Variants in CDK14 observed in about 807,000 individuals in gnomAD.
CDK14 encodes cyclin-dependent kinase 14.
Under a neutral mutation model 60.7 loss-of-function variants are expected in CDK14, and 34 were observed. The observed-to-expected ratio is 0.56, with a 90% CI of 0.43 to 0.75. The LOEUF is 0.75. CDK14 is among the 30% of genes least tolerant of loss of function. CDK14 has a pLI of 0.00. For missense variants in CDK14, 482 were observed against 564.1 expected (o/e 0.85, Z 1.47); for synonymous variants, 197 against 203.7 (o/e 0.97, Z 0.28).
intron 7 of CDK14, among the ~76,000 whole-genome samples, chr7:90,908,685 A>T (rs1040111378): frequency 9.2e-5 from 14 of 152,150 alleles, no homozygotes; most frequent in African/African-American, 3.4e-4. Context: ...ATTGTCTTGG[A>T]TAGGCACAGC....
intron 4 of CDK14, among the ~76,000 whole-genome samples, chr7:90,786,460 A>G (rs1224538900): frequency 6.6e-6 from 1 of 152,228 alleles, no homozygotes; most frequent in Non-Finnish European, 1.5e-5. Flanking sequence ...TTTGAATTAT[A>G]TGTTTGAAGT....
intron 3 of CDK14, among the ~76,000 whole-genome samples, chr7:90,731,894 G>T (rs926310336): frequency 6.6e-6 from 1 of 151,998 alleles, no homozygotes; most frequent in Non-Finnish European, 1.5e-5. Flanking sequence ...GGAGGGGTGA[G>T]AGAGGGCATC....
chr7:91,056,572 C>A (rs1422297600), intron 11 of CDK14, among the ~76,000 whole-genome samples: 8 of 149,946 alleles, frequency 5.3e-5, no homozygotes, highest in Non-Finnish European at 7.4e-5. Context: ...CCCCACCCCA[C>A]AACAGGCCCC....
intron 7 of CDK14, among the ~76,000 whole-genome samples, chr7:90,909,099 G>GA (rs1185165000): frequency 6.6e-6 from 1 of 152,114 alleles, no homozygotes. Context: ...AGTTGGGAGA[G>GA]AGTAGCATAA....
At chr7:90,781,257 G>A (rs976264988) in intron 4 of CDK14, among the ~76,000 whole-genome samples, 3 of 152,090 alleles carry the variant, frequency 2.0e-5, no homozygotes, top group African/African-American at 7.2e-5. Flanking sequence ...ACTTTTTGAT[G>A]GGGTTGTTCG....
chr7:90,957,302 C>T (rs1475796871), intron 9 of CDK14, among the ~76,000 whole-genome samples: 13 of 152,086 alleles, frequency 8.5e-5, no homozygotes, highest in African/African-American at 1.2e-4. Context: ...TTAATGATTG[C>T]GATTCTAACT....
intron 4 of CDK14, among the ~76,000 whole-genome samples, chr7:90,753,385 C>A (rs776319932): frequency 6.6e-6 from 1 of 152,122 alleles, no homozygotes; most frequent in Non-Finnish European, 1.5e-5. Flanking sequence ...AGAACAAAAA[C>A]CATTTGATCA....
At chr7:90,745,050 C>A (rs949012586) in intron 3 of CDK14, among the ~76,000 whole-genome samples, 1 of 152,034 alleles carries the variant, frequency 6.6e-6, no homozygotes, top group Non-Finnish European at 1.5e-5. Flanking sequence ...GATTTGTATA[C>A]CTTATTTATA....
At chr7:90,831,918 T>C (rs1789925533) in intron 5 of CDK14, among the ~76,000 whole-genome samples, 1 of 152,010 alleles carries the variant, frequency 6.6e-6, no homozygotes, top group South Asian at 2.1e-4. Flanking sequence ...GCACATGAGG[T>C]TCCCCCTCAG....
intron 5 of CDK14, among the ~76,000 whole-genome samples, chr7:90,838,422 T>C (rs10242712): frequency 0.45 from 68,792 of 151,750 alleles, 16,280 homozygotes; most frequent in East Asian, 0.85. Flanking sequence ...AAGAACAGAG[T>C]AACAGTGATT....
intron 2 of CDK14, among the ~76,000 whole-genome samples, chr7:90,606,686 C>G (rs1018099135): frequency 1.3e-4 from 20 of 152,160 alleles, no homozygotes; most frequent in African/African-American, 4.6e-4. Context: ...TGTTTAGATT[C>G]CGTATGGGGG....
chr7:90,871,068 G>A (rs369873130), intron 6 of CDK14, among the ~76,000 whole-genome samples: 2 of 152,234 alleles, frequency 1.3e-5, no homozygotes, highest in South Asian at 2.1e-4. Context: ...CTGTCGGGGT[G>A]TGCTGGAGGG....
chr7:90,885,440 G>A (rs748511979), intron 6 of CDK14, among the ~76,000 whole-genome samples: 1 of 152,048 alleles, frequency 6.6e-6, no homozygotes, highest in African/African-American at 2.4e-5. Context: ...AGATGGTGGC[G>A]AGGCTGTGCA....
intron 10 of CDK14, among the ~76,000 whole-genome samples, chr7:91,035,833 C>CTTTTTTT (rs34091498): frequency 5.0e-5 from 5 of 99,236 alleles, no homozygotes; most frequent in Non-Finnish European, 5.7e-5. Flanking sequence ...GCTTCATGGT[C>CTTTTTTT]TTTTTTTTTT....
chr7:91,019,321 G>A (rs183812736), intron 10 of CDK14, among the ~76,000 whole-genome samples: 2 of 152,174 alleles, frequency 1.3e-5, no homozygotes, highest in Admixed American at 6.5e-5. Context: ...TGTCTGTAAC[G>A]TTAAGCTTTA....
chr7:90,941,496 A>G (rs1793931091), intron 8 of CDK14, among the ~76,000 whole-genome samples: 1 of 152,112 alleles, frequency 6.6e-6, no homozygotes, highest in South Asian at 2.1e-4. Context: ...GGAGAGCAAG[A>G]CAGGGTAAAG....
At chr7:91,151,437 G>A (rs1800824979) in intron 14 of CDK14, among the ~76,000 whole-genome samples, 1 of 152,308 alleles carries the variant, frequency 6.6e-6, no homozygotes, top group East Asian at 1.9e-4. Context: ...TTAAAAGCCT[G>A]AGCAAATGTA....
intron 5 of CDK14, among the ~76,000 whole-genome samples, chr7:90,817,320 G>A (rs529154852): frequency 7.4e-4 from 113 of 152,168 alleles, no homozygotes; most frequent in African/African-American, 2.5e-3. Flanking sequence ...CGTAAGAATC[G>A]AATTGATAAT....
chr7:90,668,699 C>CTTTTTTTTTTTTT lies in CDK14; in HGVS notation c.124-57853_124-57841dup, dbSNP rs59773768. On this transcript the variant is annotated intron_variant, in intron 2 of 14. Coordinates refer to ENST00000380050, the MANE Select transcript of CDK14 (RefSeq NM_001287135.2). ...TATGGTGTAAGGAAGGACTCGCATTCTTTTTTTTTTTTTTTTTTTTTTTTT... is the reference window on the plus strand; with the variant it reads ...TATGGTGTAAGGAAGGACTCGCATTCTTTTTTTTTTTTTTTTTTTTTTTTTTTTTTTTTTTTTT... Among the ~76,000 whole-genome samples the CTTTTTTTTTTTTT allele has an allele frequency of 4.8e-4, 42 of 87,522 alleles. 2 individuals carry two copies. The highest frequency in any genetic ancestry group is 1.4e-3 in the African/African-American group (32 of 23,114). The allele number at this position is 87,522 out of a possible 152,430, so 57.4% of individuals were successfully genotyped here.
Sources: gnomAD v4.1 joint callset for allele counts (sites outside exome capture counted in the v4.1 genomes callset) on GRCh38, gnomAD v4.1.1 for gene constraint, MANE v1.5 for transcripts, NCBI Gene and HGNC (gene_info 2026-07-23, HGNC 2026-07-21) for gene names.